Variants in DCC observed in about 807,000 individuals in gnomAD.
The protein encoded by DCC is DCC netrin 1 receptor.
Under a neutral mutation model 172.5 loss-of-function variants are expected in DCC, and 58 were observed. That is an observed-to-expected ratio of 0.34 (90% CI 0.27 to 0.42). The LOEUF is 0.42. Ranked by LOEUF, DCC falls within the 10% of genes least tolerant of loss-of-function variation. The pLI is 1.00. For missense variants in DCC, 1,740 were observed against 1,791.0 expected, an observed-to-expected ratio of 0.97 and a Z score of 0.51; for synonymous variants, 709 against 644.5, an observed-to-expected ratio of 1.10 and a Z score of -1.52.
At chr18:53,519,161 A>G (rs934218612) in intron 27 of DCC, among the ~76,000 whole-genome samples, 24 of 152,146 alleles carry the variant, frequency 1.6e-4, no homozygotes, top group Admixed American at 5.2e-4. Context: ...TAATTTTCAT[A>G]GCTAATAACT....
At chr18:52,663,412 C>T (rs546064906) in intron 1 of DCC, among the ~76,000 whole-genome samples, 3 of 152,028 alleles carry the variant, frequency 2.0e-5, no homozygotes, top group Admixed American at 6.6e-5. Flanking sequence ...TGCTGAGTTT[C>T]GAGTGGACTA....
At chr18:52,706,172 A>G (rs1228092658) in intron 1 of DCC, among the ~76,000 whole-genome samples, 1 of 152,146 alleles carries the variant, frequency 6.6e-6, no homozygotes, top group Non-Finnish European at 1.5e-5. Context: ...GATAATAAGA[A>G]TACAAAGTGG....
intron 2 of DCC, among the ~76,000 whole-genome samples, chr18:52,894,973 G>A (rs1029993799): frequency 6.6e-6 from 1 of 152,210 alleles, no homozygotes; most frequent in Non-Finnish European, 1.5e-5. Context: ...GTGACACGTA[G>A]AATTAGTCAC....
At chr18:52,579,122 T>G (rs2144773441) in intron 1 of DCC, among the ~76,000 whole-genome samples, 1 of 152,362 alleles carries the variant, frequency 6.6e-6, no homozygotes, top group South Asian at 2.1e-4. Flanking sequence ...TTCCTCTTAG[T>G]CTTTGCTCAC....
intron 7 of DCC, among the ~76,000 whole-genome samples, chr18:53,082,988 T>C (rs2042827813): frequency 6.6e-6 from 1 of 151,712 alleles, no homozygotes; most frequent in Non-Finnish European, 1.5e-5. Flanking sequence ...TTGTTCTTCA[T>C]GCTAGATTCT....
At chr18:53,517,269 A>G (rs1390880207) in intron 27 of DCC, among the ~76,000 whole-genome samples, 2 of 149,878 alleles carry the variant, frequency 1.3e-5, no homozygotes, top group South Asian at 2.1e-4. Context: ...GGACACAGGA[A>G]GGGGAACATC....
intron 1 of DCC, among the ~76,000 whole-genome samples, chr18:52,667,696 A>G (rs558974744): frequency 1.3e-5 from 2 of 152,328 alleles, no homozygotes; most frequent in South Asian, 2.1e-4. Flanking sequence ...GGGAGGGTCC[A>G]GGCTTACCAA....
intron 7 of DCC, among the ~76,000 whole-genome samples, chr18:53,149,673 A>G (rs772600486): frequency 3.3e-5 from 5 of 152,236 alleles, no homozygotes; most frequent in Non-Finnish European, 5.9e-5. Flanking sequence ...AGATTTGAGC[A>G]TAAAACCTTT....
chr18:53,434,172 T>G (rs1911801539), intron 21 of DCC, among the ~76,000 whole-genome samples: 1 of 152,174 alleles, frequency 6.6e-6, no homozygotes, highest in South Asian at 2.1e-4. Flanking sequence ...CCTATGTTAC[T>G]GTATCTGAGT....
At chr18:52,721,126 C>T (rs1377215559) in intron 1 of DCC, among the ~76,000 whole-genome samples, 1 of 152,138 alleles carries the variant, frequency 6.6e-6, no homozygotes, top group Non-Finnish European at 1.5e-5. Context: ...CAGAGAAGGC[C>T]TTAGCAGAGG....
intron 15 of DCC, among the ~76,000 whole-genome samples, chr18:53,359,453 A>T (rs2057920188): frequency 6.6e-6 from 1 of 152,146 alleles, no homozygotes; most frequent in Non-Finnish European, 1.5e-5. Context: ...AGAAAAAAAT[A>T]TTCTCCACTG....
At chr18:52,390,346 A>G (rs964945862) in intron 1 of DCC, among the ~76,000 whole-genome samples, 5 of 152,028 alleles carry the variant, frequency 3.3e-5, no homozygotes, top group Non-Finnish European at 5.9e-5. Context: ...GCTTCTGTCA[A>G]TCGTCTGGTG....
At chr18:53,337,830 A>G (rs1323261555) in intron 14 of DCC, among the ~76,000 whole-genome samples, 2 of 152,204 alleles carry the variant, frequency 1.3e-5, no homozygotes, top group African/African-American at 2.4e-5. Flanking sequence ...GGGCTGTGCC[A>G]GTTTTTGGTA....
At chr18:52,745,519 A>G (rs1053299981) in intron 1 of DCC, among the ~76,000 whole-genome samples, 3 of 152,028 alleles carry the variant, frequency 2.0e-5, no homozygotes, top group African/African-American at 7.3e-5. Context: ...TTGGCACACA[A>G]TAGTTGTACA....
intron 5 of DCC, among the ~76,000 whole-genome samples, chr18:53,004,588 A>G (rs1457492281): frequency 1.3e-5 from 2 of 152,212 alleles, no homozygotes; most frequent in African/African-American, 4.8e-5. Flanking sequence ...CACAACAATA[A>G]TACCTCCTAA....
intron 7 of DCC, among the ~76,000 whole-genome samples, chr18:53,096,847 T>A (rs1318979225): frequency 6.6e-6 from 1 of 152,184 alleles, no homozygotes; most frequent in Non-Finnish European, 1.5e-5. Flanking sequence ...ATAATTACTA[T>A]GCTAAAAATA....
chr18:53,445,169 A>G (rs185805169), intron 22 of DCC, among the ~76,000 whole-genome samples: 716 of 152,344 alleles, frequency 4.7e-3, no homozygotes, highest in Non-Finnish European at 7.6e-3. Context: ...GTTGTCTTCC[A>G]GCTGATTGAT....
At chr18:52,530,557 T>C (rs550011360) in intron 1 of DCC, among the ~76,000 whole-genome samples, 1 of 152,302 alleles carries the variant, frequency 6.6e-6, no homozygotes, top group African/African-American at 2.4e-5. Flanking sequence ...AAATGGTACA[T>C]AGGAGGTGCT....
intron 2 of DCC, among the ~76,000 whole-genome samples, chr18:52,903,407 A>C (rs932166230): frequency 6.6e-6 from 1 of 151,878 alleles, no homozygotes; most frequent in Non-Finnish European, 1.5e-5. Context: ...GCGTTTCATC[A>C]TGTTGCCCAG....
Sources: allele counts gnomAD v4.1 joint callset (sites outside exome capture counted in the v4.1 genomes callset), GRCh38; gene constraint gnomAD v4.1.1; transcripts MANE v1.5; gene names NCBI Gene and HGNC (gene_info 2026-07-23, HGNC 2026-07-21).